DGKB: variants seen among roughly 807,000 people sequenced by gnomAD.
The protein encoded by DGKB is diacylglycerol kinase beta.
A neutral mutation model predicts 114.3 loss-of-function variants in DGKB; 67 were observed. The ratio of observed to expected loss-of-function variants is 0.59; its 90% CI spans 0.48 to 0.72. The LOEUF (loss-of-function observed/expected upper bound fraction) is 0.72. Ranked by LOEUF, DGKB falls within the 30% of genes least tolerant of loss-of-function variation. The pLI is 0.00. For missense variants in DGKB, 907 were observed against 975.2 expected (o/e 0.93, Z 0.93); for synonymous variants, 398 against 323.1 (o/e 1.23, Z -2.49).
At chr7:14,228,408 A>G (rs372877690) in intron 23 of DGKB, among the ~76,000 whole-genome samples, 7 of 152,014 alleles carry the variant, frequency 4.6e-5, no homozygotes, top group African/African-American at 1.7e-4. Context: ...GAAGTGTCCT[A>G]TCTATTGTGA....
intron 21 of DGKB, among the ~76,000 whole-genome samples, chr7:14,375,127 A>T (rs1449226537): frequency 6.6e-6 from 1 of 152,206 alleles, no homozygotes; most frequent in South Asian, 2.1e-4. Flanking sequence ...TCCCACAGAG[A>T]TACTTTTGGA....
At chr7:14,214,370 T>C (rs959736789) in intron 23 of DGKB, among the ~76,000 whole-genome samples, 2 of 151,966 alleles carry the variant, frequency 1.3e-5, no homozygotes, top group African/African-American at 4.8e-5. Flanking sequence ...AAAAATTCCA[T>C]GTGCTATTTC....
chr7:14,633,255 T>A (rs902346919), intron 13 of DGKB, among the ~76,000 whole-genome samples: 1 of 151,724 alleles, frequency 6.6e-6, no homozygotes, highest in Non-Finnish European at 1.5e-5. Context: ...AAAAAAGCAG[T>A]TTGCTAAGGA....
chr7:14,910,312 AAGAAC>A (rs1469861161), intron 1 of DGKB, among the ~76,000 whole-genome samples: 1 of 135,156 alleles, frequency 7.4e-6, no homozygotes, highest in Non-Finnish European at 1.6e-5. Flanking sequence ...GAAAGAAAGA[AAGAAC>A]CTTATATATT....
intron 15 of DGKB, 80 bp downstream of exon 15, chr7:14,621,298 G>C (rs1807594653): frequency 1.3e-6 from 1 of 784,556 alleles, no homozygotes; most frequent in African/African-American, 1.8e-5. Flanking sequence ...CAAATGTGTT[G>C]ATAGCTGAAC....
chr7:14,766,535 A>C (rs1836487140), intron 2 of DGKB, among the ~76,000 whole-genome samples: 2 of 151,870 alleles, frequency 1.3e-5, no homozygotes, highest in Non-Finnish European at 2.9e-5. Flanking sequence ...GGAGTCTTCA[A>C]TTTTAGTTTT....
At chr7:14,452,247 G>A (rs537021956) in intron 21 of DGKB, among the ~76,000 whole-genome samples, 1 of 152,092 alleles carries the variant, frequency 6.6e-6, no homozygotes, top group South Asian at 2.1e-4. Context: ...GTAAGCATAT[G>A]TTATTTTATT....
chr7:14,397,141 A>C (rs1207092042), intron 21 of DGKB, among the ~76,000 whole-genome samples: 1 of 152,142 alleles, frequency 6.6e-6, no homozygotes, highest in Non-Finnish European at 1.5e-5. Flanking sequence ...ATAGGTAGAC[A>C]GGACATGATC....
intron 13 of DGKB, among the ~76,000 whole-genome samples, chr7:14,631,158 A>G (rs1275911190): frequency 1.3e-5 from 2 of 148,886 alleles, no homozygotes; most frequent in African/African-American, 4.9e-5. Context: ...TATCTGAGGG[A>G]GGGTCTGGGC....
At chr7:14,192,653 C>G (rs528288309) in intron 23 of DGKB, among the ~76,000 whole-genome samples, 1 of 152,066 alleles carries the variant, frequency 6.6e-6, no homozygotes, top group Non-Finnish European at 1.5e-5. Flanking sequence ...TTTCCACAGA[C>G]CAGCCACAGG....
intron 17 of DGKB, among the ~76,000 whole-genome samples, chr7:14,583,791 A>C (rs992382488): frequency 3.3e-5 from 5 of 152,306 alleles, no homozygotes; most frequent in African/African-American, 1.2e-4. Flanking sequence ...TACTGCATGC[A>C]GGGTGCTTAA....
At chr7:14,764,662 AAAGT>A (rs756916757) in intron 2 of DGKB, among the ~76,000 whole-genome samples, 88 of 151,984 alleles carry the variant, frequency 5.8e-4, no homozygotes, top group Non-Finnish European at 3.2e-4. Flanking sequence ...ATGCATAAAG[AAAGT>A]GAGAGTTAAT....
upstream of DGKB, among the ~76,000 whole-genome samples, chr7:14,905,336 G>A (rs73287457): frequency 2.9e-3 from 436 of 150,442 alleles, 3 homozygotes; most frequent in African/African-American, 0.01. Flanking sequence ...TTTGGTAATG[G>A]AGGAAGAAAA....
chr7:14,300,863 G>A (rs1220579750), intron 23 of DGKB, among the ~76,000 whole-genome samples: 1 of 152,062 alleles, frequency 6.6e-6, no homozygotes, highest in Non-Finnish European at 1.5e-5. Context: ...AATGGCTGTT[G>A]AATTCAATGA....
Position 14,329,412 on chromosome 7 carries a change from T to C in DGKB, c.2122+9103A>G, listed in dbSNP as rs540172751. On this transcript the variant is annotated intron_variant, in intron 23 of 25. Coordinates refer to ENST00000402815, the MANE Select transcript of DGKB (RefSeq NM_001350709.2). ...ATAACTTTAAATTGCTAGTGAGATA[T>C]CATTTCACGAAATGGTACAATTGAA... Among the ~76,000 whole-genome samples the C allele has an allele frequency of 9.2e-5, 14 of 152,128 alleles. No individual in the cohort carries two copies. The South Asian group carries it at 2.5e-3, about 27-fold the overall frequency.
intron 23 of DGKB, among the ~76,000 whole-genome samples, chr7:14,309,988 C>A (rs537827844): frequency 3.3e-5 from 5 of 152,214 alleles, no homozygotes; most frequent in Admixed American, 2.6e-4. Flanking sequence ...CTGGCACATA[C>A]CCTAGATGAT....
chr7:14,910,668 A>C (rs934358334), intron 1 of DGKB, among the ~76,000 whole-genome samples: 2 of 152,150 alleles, frequency 1.3e-5, no homozygotes, highest in Non-Finnish European at 2.9e-5. Flanking sequence ...AATTTATCCA[A>C]AGATATACAA....
At chr7:14,598,207 T>C (rs1341520812) in intron 17 of DGKB, among the ~76,000 whole-genome samples, 1 of 152,190 alleles carries the variant, frequency 6.6e-6, no homozygotes, top group African/African-American at 2.4e-5. Flanking sequence ...CAAACAGATG[T>C]TTCATTTAAA....
At chr7:14,825,151 G>A (rs1363102609) in intron 2 of DGKB, among the ~76,000 whole-genome samples, 1 of 150,402 alleles carries the variant, frequency 6.6e-6, no homozygotes, top group Non-Finnish European at 1.5e-5. Context: ...TGTCTGGCAT[G>A]CAATTGGCTT....
Sources: gnomAD v4.1 joint callset for allele counts (sites outside exome capture counted in the v4.1 genomes callset) on GRCh38, gnomAD v4.1.1 for gene constraint, MANE v1.5 for transcripts, NCBI Gene and HGNC (gene_info 2026-07-23, HGNC 2026-07-21) for gene names.